Variants in MARS1 observed in about 807,000 individuals in gnomAD.
The protein encoded by MARS1 is methionyl-tRNA synthetase 1.
Under a neutral mutation model 119.5 loss-of-function variants are expected in MARS1, and 80 were observed. The ratio of observed to expected loss-of-function variants is 0.67; its 90% confidence interval spans 0.56 to 0.81. The LOEUF is 0.81. Ranked by LOEUF, MARS1 falls within the 30% of genes least tolerant of loss-of-function variation. The probability of loss-of-function intolerance (pLI) is 0.00; values close to 1 mark genes in which losing one functional copy is unlikely to be tolerated. For missense variants in MARS1, 945 were observed against 1,116.5 expected, an observed-to-expected ratio of 0.85 and a Z score of 2.19; for synonymous variants, 418 against 433.4, an observed-to-expected ratio of 0.96 and a Z score of 0.44.
chr12:57,492,669 T>TCACACA (rs58931225), intron 7 of MARS1, among the ~76,000 whole-genome samples: 446 of 139,524 alleles, frequency 3.2e-3, no homozygotes, highest in East Asian at 7.5e-3. Flanking sequence ...CGACTCCATT[T>TCACACA]CACACACACA....
intron 10 of MARS1, among the ~76,000 whole-genome samples, chr12:57,502,870 AC>A (rs899869196): frequency 1.4e-4 from 21 of 151,810 alleles, no homozygotes; most frequent in African/African-American, 4.8e-4. Context: ...TACTAAAAAT[AC>A]AAAAATAAGC....
intron 11 of MARS1, among the ~76,000 whole-genome samples, chr12:57,509,232 A>G (rs1877392791): frequency 6.6e-6 from 1 of 152,176 alleles, no homozygotes; most frequent in African/African-American, 2.4e-5. Context: ...GTGGCATAAA[A>G]AAATACTCTA....
In MARS1 at chr12:57,489,164, T is replaced by C. The variant is rs1386393270; in HGVS notation, c.200+55T>C. On this transcript the variant is annotated intron_variant, in intron 2 of 20. Transcript: ENST00000262027. Reference sequence around the variant, plus strand: ...GGCTGAATCAAATCAGGCCTCACTGTCATTTGTGTGGCTTTATTTGCAGCC... The same window carrying C: ...GGCTGAATCAAATCAGGCCTCACTGCCATTTGTGTGGCTTTATTTGCAGCC... 3.1e-6 allele frequency: 5 copies of C among 1,595,852 alleles called. No individual in the cohort carries two copies. The East Asian group carries it at 8.9e-5, about 28-fold the overall frequency.
chr12:57,513,483 G>A (rs1485090915), intron 15 of MARS1, among the ~76,000 whole-genome samples: 1 of 151,838 alleles, frequency 6.6e-6, no homozygotes, highest in Non-Finnish European at 1.5e-5. Flanking sequence ...GCGTGGTGGC[G>A]CACACCTGTA....
intron 1 of MARS1, 154 bp downstream of exon 1, chr12:57,488,353 C>T: frequency 1.3e-6 from 1 of 749,514 alleles, no homozygotes; most frequent in Non-Finnish European, 2.2e-6. Context: ...GCCTTCTTCC[C>T]TCCCAGTCAC....
At chr12:57,488,900 T>C in intron 1 of MARS1, 119 bp from the exon 2 acceptor site, 1 of 871,282 alleles carries the variant, frequency 1.1e-6, no homozygotes, top group South Asian at 1.6e-5. Context: ...AACTTCTGGG[T>C]TGAGACTGCC....
At chr12:57,506,107 A>G (rs1455913499) in intron 11 of MARS1, among the ~76,000 whole-genome samples, 1 of 152,048 alleles carries the variant, frequency 6.6e-6, no homozygotes, top group East Asian at 1.9e-4. Context: ...AAAATACAGA[A>G]GTTAACTGGG....
chr12:57,505,310 T>G (rs1377776552), intron 11 of MARS1, among the ~76,000 whole-genome samples: 1 of 151,804 alleles, frequency 6.6e-6, no homozygotes, highest in Non-Finnish European at 1.5e-5. Flanking sequence ...TACAGGTGCC[T>G]GCCACCATGC....
In MARS1 at chr12:57,490,224, C is replaced by T. The variant is rs1875828986; in HGVS notation, c.508C>T (p.His170Tyr). ...AYLPEELSAL[H>Y]SWFQTLSTQE... ...ACCCACAGAGGAGCTGAGTGCCCTG[C>T]ACAGCTGGTTCCAGACACTGAGTAC... Residue 170 changes from histidine to tyrosine, a missense_variant, in exon 6 of 21, where the codon CAC (histidine) becomes TAC (tyrosine). Coordinates refer to ENST00000262027, the MANE Select transcript of MARS1 (RefSeq NM_004990.4). The T allele has an allele frequency of 1.2e-6, 2 of 1,613,566 alleles. No individual in the cohort carries two copies. Among genetic ancestry groups the T allele is most frequent in the African/African-American group, 2.7e-5 (2 of 74,918 alleles).
chr12:57,488,357 C>A (rs148585262), intron 1 of MARS1, 158 bp downstream of exon 1: 3 of 743,116 alleles, frequency 4.0e-6, no homozygotes, highest in South Asian at 3.6e-5. Context: ...TCTTCCCTCC[C>A]AGTCACATCT....
In MARS1 at chr12:57,490,615, GCC is replaced by G; in HGVS notation, c.745_746del (p.Pro249AlafsTer64). On this transcript the variant is annotated frameshift_variant, in exon 7 of 21. Transcript: ENST00000262027. LOFTEE classifies it high-confidence loss of function. ...CTTGGGAGAAGGGCCTAGAAAGTTT[GCC>G]CCCGCTGCGGCCCCAGCAGAATCCA... ...TAWEKGLESL[P>X]PLRPQQNPVL... 6.2e-7 allele frequency: 1 copy of G among 1,614,008 alleles called. No individual in the cohort carries two copies. Among genetic ancestry groups the G allele is most frequent in the Non-Finnish European group, 8.5e-7 (1 of 1,180,000 alleles).
intron 7 of MARS1, among the ~76,000 whole-genome samples, chr12:57,495,171 G>A (rs959474552): frequency 1.3e-5 from 2 of 148,346 alleles, no homozygotes; most frequent in African/African-American, 2.5e-5. Context: ...TGCCGGGCGG[G>A]GGCTGCCCCC....
At chr12:57,494,377 G>T (rs1297259579) in intron 7 of MARS1, among the ~76,000 whole-genome samples, 1 of 145,178 alleles carries the variant, frequency 6.9e-6, no homozygotes, top group African/African-American at 2.6e-5. Flanking sequence ...GTCCAGGCTG[G>T]AGTGCAATGG....
At chr12:57,509,913 G>A (rs1189578725) in intron 11 of MARS1, among the ~76,000 whole-genome samples, 1 of 152,102 alleles carries the variant, frequency 6.6e-6, no homozygotes, top group Non-Finnish European at 1.5e-5. Flanking sequence ...TTGCTTTGCT[G>A]GTACGTCTAC....
intron 5 of MARS1, 27 bp downstream of exon 5, chr12:57,489,998 C>T: frequency 6.2e-7 from 1 of 1,604,600 alleles, no homozygotes; most frequent in South Asian, 1.1e-5. Flanking sequence ...TCACTCCAAC[C>T]CTAGGAGCTT....
At chr12:57,498,680 G>A (rs1458938712) in intron 9 of MARS1, 57 bp downstream of exon 9, 2 of 1,544,770 alleles carry the variant, frequency 1.3e-6, no homozygotes, top group East Asian at 2.2e-5. Context: ...TGGGAACAGT[G>A]GGAGTATCTT....
chr12:57,493,334 T>C (rs1324167333), intron 7 of MARS1, among the ~76,000 whole-genome samples: 4 of 102,056 alleles, frequency 3.9e-5, no homozygotes, highest in East Asian at 2.7e-4. Context: ...TTATATATAA[T>C]ATATGTTATA....
intron 7 of MARS1, among the ~76,000 whole-genome samples, chr12:57,495,653 T>G (rs1876580430): frequency 6.6e-6 from 1 of 152,134 alleles, no homozygotes; most frequent in Non-Finnish European, 1.5e-5. Flanking sequence ...GGCAGGCAGC[T>G]GGGAGGTGGA....
chr12:57,503,966 T>C (rs1187086430), intron 10 of MARS1: 1 of 503,816 alleles, frequency 2.0e-6, no homozygotes, highest in Non-Finnish European at 3.6e-6. Context: ...GCTCTGTACC[T>C]AGCCTATGTT....
Sources: allele counts gnomAD v4.1 joint callset (sites outside exome capture counted in the v4.1 genomes callset), GRCh38; gene constraint gnomAD v4.1.1; transcripts MANE v1.5; gene names NCBI Gene and HGNC (gene_info 2026-07-23, HGNC 2026-07-21).